The following SETD1A variants were observed in gnomAD, a reference collection of about 807,000 sequenced individuals.
SETD1A encodes the protein SET domain containing 1A, histone lysine methyltransferase.
Under a neutral mutation model 149.9 loss-of-function variants are expected in SETD1A, and 29 were observed. The ratio of observed to expected loss-of-function variants is 0.19; its 90% CI spans 0.14 to 0.26. The LOEUF is 0.26. Among genes scored for constraint, SETD1A ranks in the 10% least tolerant of loss-of-function variants. The pLI is 1.00. For synonymous variants in SETD1A, 1,141 were observed against 968.5 expected (o/e 1.18, Z -3.31); for missense variants, 2,109 against 2,353.1 (o/e 0.90, Z 2.15).
At chr16:30,964,481 C>A in intron 6 of SETD1A, 131 bp from the exon 7 acceptor site, 1 of 1,474,130 alleles carries the variant, frequency 6.8e-7, no homozygotes, top group South Asian at 1.3e-5. Flanking sequence ...GGGGAACACA[C>A]TAGCTAGGAA....
In SETD1A at chr16:30,980,270, A is replaced by G; in HGVS notation, c.4408+76A>G. The G allele has an allele frequency of 1.3e-6, 2 of 1,488,166 alleles. No homozygotes were observed. Among genetic ancestry groups the G allele is most frequent in the Non-Finnish European group, 9.0e-7 (1 of 1,116,524 alleles). 92.2% of individuals were successfully genotyped at this position (1,488,166 alleles called of 1,614,324 possible). ...CTCCAGGCACCTGCATCTGTGCCCCACTCTGTCTGCCTCCCCTCTGGCTCC... is the reference window on the plus strand; with the variant it reads ...CTCCAGGCACCTGCATCTGTGCCCCGCTCTGTCTGCCTCCCCTCTGGCTCC... On this transcript the variant is annotated intron_variant, in intron 14 of 18. Coordinates refer to ENST00000262519, the MANE Select transcript of SETD1A (RefSeq NM_014712.3). This position sits in a 1 kb window ranked among gnomAD's most constrained non-coding sequence, Gnocchi z 7.7.
rs11866157 is a variant in SETD1A at position 30,967,003 on chromosome 16, C to A, written c.2625C>A (p.Ile875=). Residue 875 remains isoleucine (I), a synonymous_variant, in exon 9 of 19, where the codon ATC becomes ATA. Transcript: ENST00000262519. ...CCAAGAGCGGGGGCACTACGGGCAT[C>A]GAGGCTTTCGCCTTTGGGTCAGGGC... ...DWAKSGGTTG[I]EAFAFGSGLR... 6,624 of 1,598,370 alleles carry A rather than the reference C, an allele frequency of 4.1e-3. 247 individuals carry two copies. In the African/African-American group the frequency reaches 0.079, roughly 19 times the overall value.
intron 13 of SETD1A, among the ~76,000 whole-genome samples, chr16:30,973,414 G>C (rs940563538): frequency 6.6e-6 from 1 of 152,140 alleles, no homozygotes; most frequent in Admixed American, 6.6e-5. Flanking sequence ...TGAGCTTTAG[G>C]AGGCCGAGGC....
intron 2 of SETD1A, 63 bp from the exon 3 acceptor site, chr16:30,959,027 TG>T: frequency 6.9e-7 from 1 of 1,454,096 alleles, no homozygotes; most frequent in East Asian, 2.3e-5. Flanking sequence ...CCAGATGGGC[TG>T]CTTGGAGCTC....
At chr16:30,974,338 G>T (rs1358636546) in intron 13 of SETD1A, among the ~76,000 whole-genome samples, 1 of 152,144 alleles carries the variant, frequency 6.6e-6, no homozygotes, top group Non-Finnish European at 1.5e-5. Context: ...TATGAGGTCG[G>T]TGCTTAGGTC....
chr16:30,979,911 GTCC>G lies in SETD1A; in HGVS notation c.4128_4130del (p.Ser1377del), dbSNP rs766697775. 8.2e-4 allele frequency: 1,262 copies of G among 1,534,390 alleles called. 6 individuals are homozygous for G. The highest frequency in any genetic ancestry group is 3.4e-3 in the South Asian group (286 of 83,848). ...AAGAGGGGGAGGAAGAGGAGGAGGAGTCCTCTGACAGCAGCAGCAGCAGCGATG... is the reference window on the plus strand; with the variant it reads ...AAGAGGGGGAGGAAGAGGAGGAGGAGTCTGACAGCAGCAGCAGCAGCGATG... On this transcript the variant is annotated inframe_deletion, in exon 14 of 19. Coordinates refer to ENST00000262519, the MANE Select transcript of SETD1A (RefSeq NM_014712.3).
In SETD1A at chr16:30,965,366, C is replaced by G. The variant is rs763060021; in HGVS notation, c.1624C>G (p.Pro542Ala). 7 of 1,611,520 alleles carry G rather than the reference C, an allele frequency of 4.3e-6. No individual in the cohort carries two copies. Among genetic ancestry groups the G allele is most frequent in the South Asian group, 3.3e-5 (3 of 91,076 alleles). The stretch of plus-strand genomic sequence containing the variant: ...GTCAGGGCATGGGCCCTGCACACCC[C>G]CTCCGGCCCCAGCTAATTTTGAGGA... ...SGSGHGPCTP[P>A]PAPANFEDVA... Residue 542 changes from proline (P) to alanine (A), a missense_variant, in exon 7 of 19, where the codon CCT becomes GCT. By Grantham distance (27) the Pro-to-Ala change is conservative. Coordinates refer to ENST00000262519, the MANE Select transcript of SETD1A (RefSeq NM_014712.3).
intron 13 of SETD1A, among the ~76,000 whole-genome samples, chr16:30,977,757 C>T (rs541011272): frequency 1.7e-4 from 26 of 152,194 alleles, no homozygotes; most frequent in African/African-American, 5.5e-4. Context: ...TGGCTCAGGG[C>T]GCCAGGGTTG....
Position 30,965,023 on chromosome 16 carries a change from T to C in SETD1A, c.1281T>C (p.Pro427=), listed in dbSNP as rs763413613. 1 of 1,612,918 alleles carries C rather than the reference T, an allele frequency of 6.2e-7. No homozygotes were observed. The highest frequency in any genetic ancestry group is 1.1e-5 in the South Asian group (1 of 90,986). The change falls in exon 7 of 19, where the codon CCT becomes CCC. Residue 427 remains proline, a synonymous_variant. Transcript: ENST00000262519. ...PSRPTDQDYR[P]PASEAPPPEP... Reference sequence around the variant, plus strand: ...GGCCCACCGACCAGGACTACCGGCCTCCTGCCTCAGAGGCTCCACCCCCGG... The same window carrying C: ...GGCCCACCGACCAGGACTACCGGCCCCCTGCCTCAGAGGCTCCACCCCCGG...
Position 30,965,272 on chromosome 16 carries a change from A to AGAG in SETD1A, c.1539_1541dup (p.Glu515dup). The AGAG allele has an allele frequency of 6.2e-7, 1 of 1,614,250 alleles. No homozygotes were observed. The highest frequency in any genetic ancestry group is 8.5e-7 in the Non-Finnish European group (1 of 1,180,032). ...AGTTTTCCTTCTTGGCCTCTGACAC[A>AGAG]GAGGAGGAGGAAGAGAACAGCAGCA... is the stretch of plus-strand genomic sequence containing the variant. On this transcript the variant is annotated inframe_insertion, in exon 7 of 19. Transcript: ENST00000262519.
rs1013593089 is a variant in SETD1A, at chr16:30,979,545, G to C, written c.3759G>C (p.Leu1253=). Residue 1253 remains leucine (L), a synonymous_variant, in exon 14 of 19, where the codon CTG becomes CTC. Coordinates refer to ENST00000262519, the MANE Select transcript of SETD1A (RefSeq NM_014712.3). ...EEAEPGTEVD[L]AVLADLALTP... is the part of the protein sequence containing the mutation. Reference sequence around the variant, plus strand: ...CTGAGCCAGGGACAGAGGTGGACCTGGCGGTCCTGGCCGACCTGGCCCTGA... The same window carrying C: ...CTGAGCCAGGGACAGAGGTGGACCTCGCGGTCCTGGCCGACCTGGCCCTGA... 6.2e-7 allele frequency: 1 copy of C among 1,608,552 alleles called. No individual in the cohort carries two copies. The highest frequency in any genetic ancestry group is 8.5e-7 in the Non-Finnish European group (1 of 1,178,668).
chr16:30,971,759 TGAGAGA>T, intron 13 of SETD1A, 40 bp downstream of exon 13: 1 of 1,507,206 alleles, frequency 6.6e-7, no homozygotes, highest in Non-Finnish European at 8.9e-7. Context: ...GCTGTGTGTG[TGAGAGA>T]GAGAGAGAAA....
At chr16:30,962,556 CA>C (rs1175430911) in intron 4 of SETD1A, among the ~76,000 whole-genome samples, 2 of 152,190 alleles carry the variant, frequency 1.3e-5, no homozygotes, top group African/African-American at 4.8e-5. Flanking sequence ...TGGCGAGCTG[CA>C]GATTGCAGTA....
At chr16:30,982,010 G>A (rs1012979329) in intron 17 of SETD1A, among the ~76,000 whole-genome samples, 8 of 152,160 alleles carry the variant, frequency 5.3e-5, no homozygotes, top group Non-Finnish European at 8.8e-5. Context: ...AACAAGATCT[G>A]GGGAGTTGGG....
At chr16:30,966,723 G>T in intron 8 of SETD1A, 161 bp from the exon 9 acceptor site, 1 of 441,110 alleles carries the variant, frequency 2.3e-6, no homozygotes. Context: ...CGAAATGACA[G>T]ACTTTTGAGA....
intron 8 of SETD1A, 55 bp downstream of exon 8, chr16:30,966,441 C>T (rs2056148556): frequency 3.3e-6 from 5 of 1,537,848 alleles, no homozygotes; most frequent in South Asian, 1.3e-5. Context: ...GGAAATGGGC[C>T]TCTGGCTCCT....
Position 30,969,166 on chromosome 16 carries a change from T to G in SETD1A, c.2771-139T>G, listed in dbSNP as rs1180830272. Reference sequence around the variant, plus strand: ...GAGGTAACTGAGGTGTTTGAGTTCCTCTGGTGAGCTTCCAAATTCTCATCT... The same window carrying G: ...GAGGTAACTGAGGTGTTTGAGTTCCGCTGGTGAGCTTCCAAATTCTCATCT... On this transcript the variant is annotated intron_variant, in intron 10 of 18. Coordinates refer to ENST00000262519, the MANE Select transcript of SETD1A (RefSeq NM_014712.3). 6 of 863,960 alleles carry G rather than the reference T, an allele frequency of 6.9e-6. No individual in the cohort carries two copies. The Admixed American group carries it at 1.4e-4, about 20-fold the overall frequency. The allele number at this position is 863,960 out of a possible 1,614,324, so 53.5% of individuals were successfully genotyped here.
At chr16:30,963,651 G>T (rs1276674630) in intron 5 of SETD1A, 97 bp downstream of exon 5, 9 of 1,341,452 alleles carry the variant, frequency 6.7e-6, no homozygotes, top group Non-Finnish European at 8.0e-6. Context: ...GGGCTTTCCC[G>T]TTAAACAAAG....
At chr16:30,968,644 T>C (rs2056183688) in intron 10 of SETD1A, among the ~76,000 whole-genome samples, 1 of 150,726 alleles carries the variant, frequency 6.6e-6, no homozygotes, top group Non-Finnish European at 1.5e-5. Flanking sequence ...CTACTAACAA[T>C]AGAAAAATTA....
Sources: allele counts gnomAD v4.1 joint callset (sites outside exome capture counted in the v4.1 genomes callset), GRCh38; gene constraint gnomAD v4.1.1; non-coding constraint Gnocchi (gnomAD v3.1); transcripts MANE v1.5; gene names NCBI Gene and HGNC (gene_info 2026-07-23, HGNC 2026-07-21).